The following SETD2 variants were observed in gnomAD, a reference collection of about 807,000 sequenced individuals.
SETD2 encodes histone-lysine N-methyltransferase SETD2.
Under a neutral mutation model 242.1 loss-of-function variants are expected in SETD2, and 31 were observed. That is an observed-to-expected ratio of 0.13 (90% CI 0.10 to 0.17). The LOEUF is 0.17. SETD2 is among the 10% of genes least tolerant of loss of function. The pLI is 1.00. For synonymous variants in SETD2, 1,006 were observed against 1,066.5 expected (o/e 0.94, Z 1.11); for missense variants, 2,481 against 3,046.3 (o/e 0.81, Z 4.37).
intron 18 of SETD2, among the ~76,000 whole-genome samples, chr3:47,027,725 A>C (rs1166671498): frequency 1.3e-5 from 2 of 152,092 alleles, no homozygotes; most frequent in Non-Finnish European, 1.5e-5. Flanking sequence ...GTAAATCTAA[A>C]GCGACTAGAT....
At chr3:47,080,363 C>T (rs1294138051) in intron 12 of SETD2, among the ~76,000 whole-genome samples, 2 of 151,958 alleles carry the variant, frequency 1.3e-5, no homozygotes, top group African/African-American at 2.4e-5. Flanking sequence ...AAATGCACAT[C>T]CTATAATCTA....
chr3:47,050,719 C>CTTTT (rs1288356381), intron 15 of SETD2, among the ~76,000 whole-genome samples: 1 of 79,756 alleles, frequency 1.3e-5, no homozygotes, highest in Non-Finnish European at 2.6e-5. Flanking sequence ...TACATTTCCT[C>CTTTT]TCTCTTTTTT....
chr3:47,119,479 C>G (rs1415509583), intron 3 of SETD2: 1 of 163,126 alleles, frequency 6.1e-6, no homozygotes, highest in Non-Finnish European at 1.3e-5. Flanking sequence ...TTTCCCCACC[C>G]AAACTCAACT....
At chr3:47,092,096 G>A (rs79505287) in intron 9 of SETD2, among the ~76,000 whole-genome samples, 7 of 152,026 alleles carry the variant, frequency 4.6e-5, no homozygotes, top group Admixed American at 2.6e-4. Flanking sequence ...AGAAAATCAC[G>A]TTCTAACTAA....
chr3:47,113,815 G>A (rs2042749851), intron 5 of SETD2, 61 bp downstream of exon 5: 1 of 1,546,938 alleles, frequency 6.5e-7, no homozygotes, highest in Non-Finnish European at 8.8e-7. Context: ...CTCCAGTCTG[G>A]GTGAAAGAGT....
At chr3:47,101,050 A>C (rs2042192397) in intron 8 of SETD2, among the ~76,000 whole-genome samples, 1 of 151,116 alleles carries the variant, frequency 6.6e-6, no homozygotes. Flanking sequence ...TAGGTAACCA[A>C]TTATATTTAA....
chr3:47,162,476 G>C (rs138876082), intron 1 of SETD2, among the ~76,000 whole-genome samples: 1 of 152,274 alleles, frequency 6.6e-6, no homozygotes, highest in South Asian at 2.1e-4. Context: ...ACTTACTATT[G>C]CAAGTAAGAG....
intron 12 of SETD2, 85 bp downstream of exon 12, chr3:47,083,634 TA>T: frequency 6.3e-6 from 8 of 1,277,778 alleles, no homozygotes; most frequent in Non-Finnish European, 8.7e-6. Context: ...TATGCATGGC[TA>T]AAAAAAGTAG....
chr3:47,164,092 GGACGCCCGCCAGCCGC>G lies in SETD2; in HGVS notation c.-184_-169del. 1 of 1,139,588 alleles carries G rather than the reference GGACGCCCGCCAGCCGC, an allele frequency of 8.8e-7. No homozygotes were observed. The highest frequency in any genetic ancestry group is 1.1e-6 in the Non-Finnish European group (1 of 911,294). 70.6% of individuals were successfully genotyped at this position (1,139,588 alleles called of 1,614,324 possible). ...TCGCTCGTCGCTCCCTCCCTCCCTC[GGACGCCCGCCAGCCGC>G]TCTCTCCCTCTCACCCTCACACCGG... On this transcript the variant is annotated 5_prime_UTR_variant, in exon 1 of 21. Transcript: ENST00000409792. The surrounding 1 kb of genome is among the most constrained non-coding windows in gnomAD (Gnocchi z 5.4).
chr3:47,126,850 A>G (rs2106742881), intron 1 of SETD2, among the ~76,000 whole-genome samples, 187 bp from the exon 2 acceptor site: 1 of 152,360 alleles, frequency 6.6e-6, no homozygotes, highest in Middle Eastern at 3.4e-3. Flanking sequence ...TACTCAAGAT[A>G]GTGTCACATA....
chr3:47,037,963 C>G (rs1559652262), intron 17 of SETD2, among the ~76,000 whole-genome samples, 186 bp from the exon 18 acceptor site: 2 of 152,170 alleles, frequency 1.3e-5, no homozygotes, highest in Non-Finnish European at 2.9e-5. Context: ...GAGATATGCC[C>G]CTCTTCAATG....
chr3:47,037,576 G>T, intron 18 of SETD2, 90 bp downstream of exon 18: 1 of 944,720 alleles, frequency 1.1e-6, no homozygotes, highest in Non-Finnish European at 1.7e-6. Context: ...TTATTTTTCA[G>T]AATAAAGAAA....
chr3:47,086,015 A>C (rs553877180), intron 11 of SETD2, among the ~76,000 whole-genome samples, 180 bp downstream of exon 11: 6 of 152,362 alleles, frequency 3.9e-5, no homozygotes, highest in African/African-American at 1.4e-4. Context: ...ACAAACTACT[A>C]ACAAGGTGTA....
intron 12 of SETD2, among the ~76,000 whole-genome samples, chr3:47,073,600 C>T (rs1236812153): frequency 6.6e-6 from 1 of 151,942 alleles, no homozygotes; most frequent in African/African-American, 2.4e-5. Context: ...GCTTTTAAAC[C>T]CCTGAAGAAA....
At chr3:47,019,915 C>G in intron 18 of SETD2, 75 bp from the exon 19 acceptor site, 2 of 1,255,832 alleles carry the variant, frequency 1.6e-6, no homozygotes, top group East Asian at 4.7e-5. Flanking sequence ...TCCCAGAACC[C>G]TCCTTTCTTT....
In SETD2 at chr3:47,106,069, A is replaced by G. The variant is rs768311118; in HGVS notation, c.4767T>C (p.Phe1589=). ...YCGEVLDHKE[F]KARVKEYARN... Reference sequence around the variant, plus strand: ...GTGCATACTCCTTCACTCGAGCTTTAAACTCTTTATGATCGAGTACCTCTC... The same window carrying G: ...GTGCATACTCCTTCACTCGAGCTTTGAACTCTTTATGATCGAGTACCTCTC... Residue 1589 remains phenylalanine (F), a synonymous_variant, in exon 6 of 21, where the codon TTT becomes TTC. Transcript: ENST00000409792. The G allele has an allele frequency of 1.2e-5, 19 of 1,613,858 alleles. No homozygotes were observed. The East Asian group carries it at 3.8e-4, about 32-fold the overall frequency.
chr3:47,032,772 C>T (rs948164177), intron 18 of SETD2, among the ~76,000 whole-genome samples: 3 of 151,902 alleles, frequency 2.0e-5, no homozygotes, highest in African/African-American at 4.8e-5. Flanking sequence ...ATCAGCCAGG[C>T]GTGGTGGCAG....
intron 16 of SETD2, among the ~76,000 whole-genome samples, chr3:47,044,519 AATTGCTGG>A (rs2039434442): frequency 6.6e-6 from 1 of 152,066 alleles, no homozygotes; most frequent in African/African-American, 2.4e-5. Flanking sequence ...AGTCATCATC[AATTGCTGG>A]ATTGCTGCAA....
intron 5 of SETD2, among the ~76,000 whole-genome samples, chr3:47,108,356 GAAAAAT>G (rs1432199230): frequency 2.0e-5 from 3 of 152,098 alleles, no homozygotes; most frequent in African/African-American, 7.2e-5. Context: ...AAGGTAGTAT[GAAAAAT>G]AAAAATAAAG....
Sources: gnomAD v4.1 joint callset for allele counts (sites outside exome capture counted in the v4.1 genomes callset) on GRCh38, gnomAD v4.1.1 for gene constraint, Gnocchi (gnomAD v3.1) non-coding constraint, MANE v1.5 for transcripts, NCBI Gene and HGNC (gene_info 2026-07-23, HGNC 2026-07-21) for gene names.